NEBL: variants seen among roughly 807,000 people sequenced by gnomAD.
NEBL encodes LIM and SH3 protein 2.
A neutral mutation model predicts 140.2 loss-of-function variants in NEBL; 122 were observed. That is an observed-to-expected ratio of 0.87 (90% CI 0.75 to 1.01). The LOEUF (loss-of-function observed/expected upper bound fraction) is 1.01, where lower values mean the gene tolerates loss of function less well. NEBL is among the 50% of genes least tolerant of loss of function. The probability of loss-of-function intolerance (pLI) is 0.00; values close to 1 mark genes in which losing one functional copy is unlikely to be tolerated. For synonymous variants in NEBL, 436 were observed against 398.9 expected, an observed-to-expected ratio of 1.09 and a Z score of -1.11; for missense variants, 1,365 against 1,231.3, an observed-to-expected ratio of 1.11 and a Z score of -1.62.
At chr10:20,978,868 C>A (rs1655716120) in intron 3 of NEBL, among the ~76,000 whole-genome samples, 1 of 151,856 alleles carries the variant, frequency 6.6e-6, no homozygotes, top group Non-Finnish European at 1.5e-5. Context: ...CCATATCTAC[C>A]CCTAGAAAGT....
intron 2 of NEBL, among the ~76,000 whole-genome samples, chr10:21,055,179 G>A (rs1161312559): frequency 6.6e-6 from 1 of 152,112 alleles, no homozygotes; most frequent in Non-Finnish European, 1.5e-5. Flanking sequence ...CAGAAGCATT[G>A]TAACAAGTTA....
In NEBL at chr10:21,064,494, A is replaced by T. The variant is rs115515592; in HGVS notation, c.165-44293T>A. On this transcript the variant is annotated intron_variant, in intron 2 of 6. Transcript: ENST00000417816. ...GGTAGGGCTCTAACTCAACCTTCAG[A>T]AAAAATGAGCAATATATACAATTCC... is the stretch of plus-strand genomic sequence containing the variant. Among the ~76,000 whole-genome samples, 981 of 152,362 alleles carry T rather than the reference A, an allele frequency of 6.4e-3. 17 individuals carry two copies. Among genetic ancestry groups the T allele is most frequent in the African/African-American group, 0.022 (917 of 41,596 alleles).
intron 2 of NEBL, among the ~76,000 whole-genome samples, chr10:21,092,473 G>C (rs1040432293): frequency 1.9e-4 from 29 of 152,060 alleles, no homozygotes; most frequent in African/African-American, 7.0e-4. Flanking sequence ...TGTATTTGAA[G>C]TTCGTCTGAC....
chr10:20,946,258 G>A (rs1835154183), intron 4 of NEBL, among the ~76,000 whole-genome samples: 1 of 152,122 alleles, frequency 6.6e-6, no homozygotes. Flanking sequence ...CATGGAAATT[G>A]GATTTTCAAA....
chr10:20,854,549 G>A (rs929129078), intron 9 of NEBL, among the ~76,000 whole-genome samples: 1 of 144,258 alleles, frequency 6.9e-6, no homozygotes, highest in African/African-American at 2.6e-5. Context: ...ACATGAAAAT[G>A]TTCATATAGT....
chr10:20,929,186 G>A (rs963657336), intron 4 of NEBL, among the ~76,000 whole-genome samples: 5 of 151,794 alleles, frequency 3.3e-5, no homozygotes, highest in South Asian at 2.1e-4. Context: ...AGTACTATTC[G>A]CAATAGCAAA....
chr10:20,904,083 C>T (rs1048684935), intron 4 of NEBL, among the ~76,000 whole-genome samples: 1 of 151,960 alleles, frequency 6.6e-6, no homozygotes, highest in Admixed American at 6.6e-5. Flanking sequence ...TAACAAAATG[C>T]TATAATAAAA....
intron 2 of NEBL, among the ~76,000 whole-genome samples, chr10:21,162,710 C>T (rs1036483882): frequency 1.3e-5 from 2 of 152,200 alleles, no homozygotes; most frequent in Non-Finnish European, 1.5e-5. Context: ...GACCATCATA[C>T]AAAGCAGGCT....
chr10:21,246,079 CAGG>C (rs1325433144), intron 3 of NEBL, among the ~76,000 whole-genome samples: 3 of 152,184 alleles, frequency 2.0e-5, no homozygotes, highest in African/African-American at 7.2e-5. Context: ...TGGTAGTGAA[CAGG>C]AGGAGTGCGC....
chr10:20,810,182 C>G (rs769932467), intron 24 of NEBL, among the ~76,000 whole-genome samples: 3 of 152,200 alleles, frequency 2.0e-5, no homozygotes, highest in South Asian at 2.1e-4. Context: ...ACCTGTGACC[C>G]ATCACACAAC....
intron 1 of NEBL, among the ~76,000 whole-genome samples, chr10:21,257,595 C>A (rs1304753183): frequency 6.6e-6 from 1 of 152,158 alleles, no homozygotes; most frequent in Non-Finnish European, 1.5e-5. Flanking sequence ...ATGTAAAAAA[C>A]CACCAAAACG....
At chr10:21,107,453 T>G (rs1589240577) in intron 2 of NEBL, among the ~76,000 whole-genome samples, 1 of 152,204 alleles carries the variant, frequency 6.6e-6, no homozygotes, top group South Asian at 2.1e-4. Context: ...TAGTTCTGTT[T>G]ATGTGGTGGA....
chr10:21,208,346 T>G (rs913548617), intron 3 of NEBL, among the ~76,000 whole-genome samples: 1 of 152,168 alleles, frequency 6.6e-6, no homozygotes, highest in African/African-American at 2.4e-5. Context: ...TTGTTGTCTT[T>G]AGGGCAGTTA....
At chr10:20,951,942 T>G (rs1835491762) in intron 4 of NEBL, among the ~76,000 whole-genome samples, 2 of 152,194 alleles carry the variant, frequency 1.3e-5, no homozygotes, top group South Asian at 4.1e-4. Flanking sequence ...ATTTTTTTTC[T>G]ATTCTCACCT....
chr10:20,955,618 TA>T (rs775246333), intron 4 of NEBL, among the ~76,000 whole-genome samples: 24 of 152,142 alleles, frequency 1.6e-4, no homozygotes, highest in Non-Finnish European at 3.1e-4. Context: ...TTAAAGGGTT[TA>T]GGAGATTAGA....
At chr10:21,211,285 C>G (rs949584681) in intron 3 of NEBL, among the ~76,000 whole-genome samples, 6 of 151,682 alleles carry the variant, frequency 4.0e-5, no homozygotes, top group Non-Finnish European at 2.9e-5. Flanking sequence ...TTGAGACTAG[C>G]CTGGGCAACA....
chr10:20,963,003 A>AAAACACAC (rs373283147), intron 3 of NEBL, among the ~76,000 whole-genome samples: 3 of 143,206 alleles, frequency 2.1e-5, no homozygotes, highest in African/African-American at 5.3e-5. Context: ...TTGAAAGAAA[A>AAAACACAC]ACACACACAC....
intron 26 of NEBL, among the ~76,000 whole-genome samples, chr10:20,790,722 ATTG>A (rs1342743661): frequency 1.3e-5 from 2 of 152,322 alleles, no homozygotes; most frequent in African/African-American, 4.8e-5. Context: ...CTGCTTTTCT[ATTG>A]TTATGCTACA....
At chr10:20,917,483 G>A (rs572708934) in intron 4 of NEBL, among the ~76,000 whole-genome samples, 2 of 152,148 alleles carry the variant, frequency 1.3e-5, no homozygotes, top group African/African-American at 4.8e-5. Flanking sequence ...CTGTTCAGGG[G>A]ATGTCTATTT....
Sources: allele counts gnomAD v4.1 joint callset (sites outside exome capture counted in the v4.1 genomes callset), GRCh38; gene constraint gnomAD v4.1.1; transcripts MANE v1.5; gene names NCBI Gene and HGNC (gene_info 2026-07-23, HGNC 2026-07-21).